Variants in OPCML observed in about 807,000 individuals in gnomAD.
The protein encoded by OPCML is opioid binding protein/cell adhesion molecule like, also known as opioid-binding protein/cell adhesion molecule.
In OPCML, 13 loss-of-function variants were observed where a neutral mutation model predicts 37.8. That is an observed-to-expected ratio of 0.34 (90% CI 0.22 to 0.55). The LOEUF is 0.55. OPCML is among the 20% of genes least tolerant of loss of function. OPCML has a pLI of 0.91. For synonymous variants in OPCML, 176 were observed against 168.8 expected, an observed-to-expected ratio of 1.04 and a Z score of -0.33; for missense variants, 341 against 435.6, an observed-to-expected ratio of 0.78 and a Z score of 1.93.
chr11:133,301,671 A>C (rs1942781584), intron 1 of OPCML: 2 of 152,188 alleles, frequency 1.3e-5, no homozygotes, highest in Admixed American at 1.3e-4. Context: ...CTCACTTAAA[A>C]TAATTCTTTG....
chr11:133,272,315 AT>A (rs1565541389), intron 1 of OPCML, among the ~76,000 whole-genome samples: 1 of 152,190 alleles, frequency 6.6e-6, no homozygotes, highest in Non-Finnish European at 1.5e-5. Context: ...CAAGAAAAAA[AT>A]CTAACAGCCC....
intron 3 of OPCML, among the ~76,000 whole-genome samples, chr11:132,622,202 C>G (rs770461983): frequency 4.0e-5 from 6 of 151,340 alleles, no homozygotes; most frequent in African/African-American, 4.9e-5. Context: ...TTTAGTCCGG[C>G]AGTAAAGATC....
chr11:132,887,232 C>T (rs1396088268), intron 2 of OPCML, among the ~76,000 whole-genome samples: 3 of 152,222 alleles, frequency 2.0e-5, no homozygotes, highest in Admixed American at 2.0e-4. Context: ...AGTACAGTAA[C>T]ACTAGCCTAG....
intron 2 of OPCML, among the ~76,000 whole-genome samples, chr11:132,849,322 T>C (rs117436745): frequency 2.6e-5 from 4 of 152,276 alleles, no homozygotes; most frequent in East Asian, 1.9e-4. Flanking sequence ...AAGACACCAA[T>C]TGCCTATGCG....
intron 2 of OPCML, among the ~76,000 whole-genome samples, chr11:132,916,758 A>G (rs61906929): frequency 0.25 from 37,254 of 151,890 alleles, 7,950 homozygotes; most frequent in African/African-American, 0.57. Context: ...TGTTCGAGTG[A>G]GCAAAGTAGA....
intron 1 of OPCML, among the ~76,000 whole-genome samples, chr11:133,378,131 C>G (rs1242003931): frequency 6.6e-6 from 1 of 152,164 alleles, no homozygotes; most frequent in Non-Finnish European, 1.5e-5. Context: ...TCCCCAAAGC[C>G]TTTTCTTTTC....
intron 2 of OPCML, among the ~76,000 whole-genome samples, chr11:132,733,017 T>A (rs1390404088): frequency 6.6e-6 from 1 of 152,064 alleles, no homozygotes; most frequent in East Asian, 1.9e-4. Flanking sequence ...AGTGGGAAGG[T>A]GGTGAGTGAA....
At chr11:132,831,092 C>T (rs572884200) in intron 2 of OPCML, among the ~76,000 whole-genome samples, 3 of 151,776 alleles carry the variant, frequency 2.0e-5, no homozygotes, top group South Asian at 2.1e-4. Flanking sequence ...CTCACTGACT[C>T]GTATATCCCA....
chr11:133,322,587 G>A (rs1943357982), intron 1 of OPCML, among the ~76,000 whole-genome samples: 1 of 151,900 alleles, frequency 6.6e-6, no homozygotes, highest in South Asian at 2.1e-4. Context: ...TTAAAGATCA[G>A]AACAACCACA....
chr11:132,988,855 T>A (rs1410824299), intron 1 of OPCML, among the ~76,000 whole-genome samples: 2 of 152,156 alleles, frequency 1.3e-5, no homozygotes, highest in Non-Finnish European at 2.9e-5. Flanking sequence ...TTTAAAGAAC[T>A]TCTAATAATA....
At chr11:132,442,683 G>A (rs2096040248) in intron 4 of OPCML, among the ~76,000 whole-genome samples, 1 of 152,194 alleles carries the variant, frequency 6.6e-6, no homozygotes, top group Non-Finnish European at 1.5e-5. Flanking sequence ...ATTGAATCAT[G>A]GGCGCAGTTC....
intron 2 of OPCML, among the ~76,000 whole-genome samples, chr11:132,822,632 A>G (rs147190136): frequency 9.5e-4 from 144 of 152,234 alleles, no homozygotes; most frequent in African/African-American, 3.4e-3. Context: ...GTACTGGAAC[A>G]CTGATGGTGG....
intron 1 of OPCML, among the ~76,000 whole-genome samples, chr11:133,239,344 A>C (rs1300661592): frequency 1.3e-5 from 2 of 152,242 alleles, no homozygotes; most frequent in East Asian, 1.9e-4. Context: ...TTAGGTGTTC[A>C]GTCCAATACA....
chr11:133,131,663 T>G (rs550056676), intron 1 of OPCML, among the ~76,000 whole-genome samples: 136 of 152,314 alleles, frequency 8.9e-4, no homozygotes, highest in African/African-American at 3.2e-3. Context: ...CACCCTTAGG[T>G]ATTTACCTAA....
At chr11:133,214,317 T>C (rs1352902980) in intron 1 of OPCML, among the ~76,000 whole-genome samples, 1 of 152,196 alleles carries the variant, frequency 6.6e-6, no homozygotes, top group Non-Finnish European at 1.5e-5. Context: ...AAGCTTAGGC[T>C]AAATTTGTAC....
At chr11:133,384,656 T>G (rs1490223864) in intron 1 of OPCML, among the ~76,000 whole-genome samples, 1 of 152,236 alleles carries the variant, frequency 6.6e-6, no homozygotes, top group Admixed American at 6.5e-5. Flanking sequence ...TGCCTCATTC[T>G]AAATGCCTCT....
chr11:132,851,279 G>C (rs1412148653), intron 2 of OPCML, among the ~76,000 whole-genome samples: 1 of 152,136 alleles, frequency 6.6e-6, no homozygotes, highest in African/African-American at 2.4e-5. Context: ...TAATCATGAA[G>C]CACATGCTAT....
intron 1 of OPCML, among the ~76,000 whole-genome samples, chr11:133,218,250 A>T (rs1939671218): frequency 6.6e-6 from 1 of 152,196 alleles, no homozygotes; most frequent in African/African-American, 2.4e-5. Context: ...AAACCAATCT[A>T]GGAGCACTTT....
intron 1 of OPCML, among the ~76,000 whole-genome samples, chr11:133,452,228 A>G (rs934409719): frequency 2.6e-5 from 4 of 151,720 alleles, no homozygotes; most frequent in African/African-American, 9.8e-5. Context: ...TATTATAACT[A>G]TGCTCAAGAA....
Sources: allele counts gnomAD v4.1 joint callset (sites outside exome capture counted in the v4.1 genomes callset), GRCh38; gene constraint gnomAD v4.1.1; transcripts MANE v1.5; gene names NCBI Gene and HGNC (gene_info 2026-07-23, HGNC 2026-07-21).